RTCB: variants seen among roughly 807,000 people sequenced by gnomAD.
RTCB encodes RNA-splicing ligase RTCB.
In RTCB, 32 loss-of-function variants were observed where a neutral mutation model predicts 58.2. The ratio of observed to expected loss-of-function variants is 0.55; its 90% CI spans 0.41 to 0.74. RTCB has a LOEUF of 0.74. Ranked by LOEUF, RTCB falls within the 30% of genes least tolerant of loss-of-function variation. The pLI is 0.00. For synonymous variants in RTCB, 247 were observed against 218.6 expected (o/e 1.13, Z -1.15); for missense variants, 523 against 639.0 (o/e 0.82, Z 1.96).
intron 7 of RTCB, among the ~76,000 whole-genome samples, chr22:32,397,185 G>A (rs897151800): frequency 2.0e-5 from 3 of 152,018 alleles, no homozygotes; most frequent in African/African-American, 4.8e-5. Context: ...TCATTTCTGC[G>A]TTCATCCCGC....
chr22:32,396,418 C>T (rs976220205), intron 7 of RTCB, among the ~76,000 whole-genome samples, 169 bp from the exon 8 acceptor site: 5 of 152,230 alleles, frequency 3.3e-5, no homozygotes, highest in African/African-American at 1.2e-4. Flanking sequence ...TCAGTCAAGA[C>T]GTACTTGAGA....
chr22:32,403,432 A>G lies in RTCB; in HGVS notation c.341-1529T>C, dbSNP rs545546374. 1.1e-3 allele frequency among the ~76,000 whole-genome samples: 170 copies of G among 152,262 alleles called. 2 individuals carry two copies. Among genetic ancestry groups the G allele is most frequent in the Non-Finnish European group, 9.7e-4 (66 of 68,014 alleles). ...AAAAAAAAAAGAAAAAAAAACCTGT[A>G]TATATTTAGGTGTACACAATGTACA... is the stretch of plus-strand genomic sequence containing the variant. On this transcript the variant is annotated intron_variant, in intron 4 of 11. Transcript: ENST00000216038.
intron 8 of RTCB, among the ~76,000 whole-genome samples, chr22:32,395,698 G>GT (rs1157900167): frequency 6.6e-6 from 1 of 152,120 alleles, no homozygotes; most frequent in Non-Finnish European, 1.5e-5. Flanking sequence ...ACTGCACGAT[G>GT]TTTTTTTCTT....
Position 32,403,307 on chromosome 22 carries a change from T to C in RTCB, c.341-1404A>G, listed in dbSNP as rs1933367967. Reference sequence around the variant, plus strand: ...CTGTAGTCCCAGCCACTCAGGAGGCTGAGGCAGGAGAATGGCGTGAACCCA... The same window carrying C: ...CTGTAGTCCCAGCCACTCAGGAGGCCGAGGCAGGAGAATGGCGTGAACCCA... On this transcript the variant is annotated intron_variant, in intron 4 of 11. Coordinates refer to ENST00000216038, the MANE Select transcript of RTCB (RefSeq NM_014306.5). Among the ~76,000 whole-genome samples the C allele has an allele frequency of 2.0e-5, 3 of 151,764 alleles. 1 individual carries two copies. The highest frequency in any genetic ancestry group is 2.0e-4 in the Admixed American group (3 of 15,232).
chr22:32,388,786 T>C (rs1358670839), intron 11 of RTCB, among the ~76,000 whole-genome samples: 2 of 152,152 alleles, frequency 1.3e-5, no homozygotes, highest in African/African-American at 4.8e-5. Flanking sequence ...GTTCTGTACA[T>C]AATATCCTTT....
intron 5 of RTCB, 75 bp downstream of exon 5, chr22:32,401,672 T>C: frequency 6.7e-7 from 1 of 1,493,206 alleles, no homozygotes; most frequent in South Asian, 1.2e-5. Flanking sequence ...TCAAGTGTAC[T>C]GCACTGGAAA....
intron 11 of RTCB, among the ~76,000 whole-genome samples, chr22:32,391,755 CTG>C (rs1933157870): frequency 6.6e-6 from 1 of 152,152 alleles, no homozygotes; most frequent in African/African-American, 2.4e-5. Context: ...TTTTGGATGA[CTG>C]TTTTTCTTTT....
At chr22:32,394,395 G>C (rs924298946) in intron 9 of RTCB, among the ~76,000 whole-genome samples, 1 of 152,208 alleles carries the variant, frequency 6.6e-6, no homozygotes, top group Non-Finnish European at 1.5e-5. Context: ...ACAGGCGTAA[G>C]CCACCACACC....
Position 32,392,389 on chromosome 22 carries a change from T to G in RTCB, c.1291-30A>C, listed in dbSNP as rs747481828. On this transcript the variant is annotated intron_variant, in intron 10 of 11. Transcript: ENST00000216038. Reference sequence around the variant, plus strand: ...AATGGGAAAGGAATGAACTTTACTTTAAACCCTAAGATGATAAGCCCTTTC... The same window carrying G: ...AATGGGAAAGGAATGAACTTTACTTGAAACCCTAAGATGATAAGCCCTTTC... 10 of 1,613,186 alleles carry G rather than the reference T, an allele frequency of 6.2e-6. No homozygotes were observed. In the African/African-American group the frequency reaches 1.3e-4, roughly 22 times the overall value.
intron 1 of RTCB, among the ~76,000 whole-genome samples, chr22:32,411,550 C>A (rs1933524822): frequency 6.6e-6 from 1 of 152,134 alleles, no homozygotes; most frequent in South Asian, 2.1e-4. Context: ...CCCTGCCCTG[C>A]GCTACTGCAA....
intron 4 of RTCB, among the ~76,000 whole-genome samples, chr22:32,403,873 T>A (rs750144576): frequency 6.6e-6 from 1 of 152,238 alleles, no homozygotes; most frequent in Non-Finnish European, 1.5e-5. Flanking sequence ...GTTAGCACCA[T>A]TCTACTCTCT....
intron 5 of RTCB, 168 bp from the exon 6 acceptor site, chr22:32,399,927 A>G: frequency 4.0e-6 from 2 of 503,064 alleles, no homozygotes; most frequent in Non-Finnish European, 6.9e-6. Flanking sequence ...TTTTTTGAGG[A>G]ATGCAGTCAT....
At chr22:32,404,410 A>T (rs991929284) in intron 4 of RTCB, among the ~76,000 whole-genome samples, 3 of 152,222 alleles carry the variant, frequency 2.0e-5, no homozygotes, top group Non-Finnish European at 4.4e-5. Context: ...TATACTACTT[A>T]ATTTCCAAAT....
In RTCB at chr22:32,406,708, G is replaced by C. The variant is rs1208479033; in HGVS notation, c.294C>G (p.Asn98Lys). 1.2e-6 allele frequency: 2 copies of C among 1,612,892 alleles called. No homozygotes were observed. Among genetic ancestry groups the C allele is most frequent in the Non-Finnish European group, 1.7e-6 (2 of 1,179,062 alleles). ...GGTCATTCATATCAAAGGCTGCCATGTTCCCAATAGCAAACCCATATCCTG... is the reference window on the plus strand; with the variant it reads ...GGTCATTCATATCAAAGGCTGCCATCTTCCCAATAGCAAACCCATATCCTG... ...VHSGYGFAIGNMAAFDMNDPE... is the reference protein window; with the variant it reads ...VHSGYGFAIGKMAAFDMNDPE... The change falls in exon 4 of 12, where the codon AAC (asparagine) becomes AAG (lysine). Residue 98 changes from asparagine to lysine, a missense_variant. Transcript: ENST00000216038.
Position 32,408,156 on chromosome 22 carries a change from GT to G in RTCB, c.240+18del, listed in dbSNP as rs767969843. On this transcript the variant is annotated intron_variant, in intron 3 of 11. Transcript: ENST00000216038. ...ACTTTAAGAAATATAAATGATTAAA[GT>G]TCTGAACTCTGACTCACATGAACAA... is the stretch of plus-strand genomic sequence containing the variant. 1.9e-6 allele frequency: 3 copies of G among 1,608,198 alleles called. No individual in the cohort carries two copies. The highest frequency in any genetic ancestry group is 2.6e-6 in the Non-Finnish European group (3 of 1,174,714).
At chr22:32,401,434 G>A (rs1933334730) in intron 5 of RTCB, 1 of 198,008 alleles carries the variant, frequency 5.1e-6, no homozygotes, top group Admixed American at 5.9e-5. Context: ...TGTAAGTTAG[G>A]GAAGATAATA....
chr22:32,403,493 T>G (rs1476526302), intron 4 of RTCB, among the ~76,000 whole-genome samples: 5 of 152,252 alleles, frequency 3.3e-5, no homozygotes, highest in Admixed American at 3.3e-4. Context: ...ATCAAGCTAA[T>G]TAACCTATTT....
chr22:32,392,479 A>G, intron 10 of RTCB, 120 bp from the exon 11 acceptor site: 1 of 1,300,298 alleles, frequency 7.7e-7, no homozygotes, highest in Non-Finnish European at 1.1e-6. Flanking sequence ...TCGAATTGGT[A>G]ACAGGCCTTT....
intron 11 of RTCB, among the ~76,000 whole-genome samples, chr22:32,391,614 C>T (rs948882720): frequency 1.6e-4 from 25 of 152,042 alleles, no homozygotes; most frequent in African/African-American, 5.8e-4. Context: ...TGGTCTCAAA[C>T]TCCTGACCTC....
Sources: allele counts gnomAD v4.1 joint callset (sites outside exome capture counted in the v4.1 genomes callset), GRCh38; gene constraint gnomAD v4.1.1; transcripts MANE v1.5; gene names NCBI Gene and HGNC (gene_info 2026-07-23, HGNC 2026-07-21).